The following RBFOX1 variants were observed in gnomAD, a reference collection of about 807,000 sequenced individuals.
RBFOX1 encodes RNA binding fox-1 homolog 1.
A neutral mutation model predicts 57.7 loss-of-function variants in RBFOX1; 8 were observed. The observed-to-expected ratio is 0.14, with a 90% CI of 0.08 to 0.25. The LOEUF is 0.25. RBFOX1 is among the 10% of genes least tolerant of loss of function. RBFOX1 has a pLI of 1.00. For synonymous variants in RBFOX1, 326 were observed against 222.4 expected (o/e 1.47, Z -4.15); for missense variants, 611 against 548.5 (o/e 1.11, Z -1.14).
intron 3 of RBFOX1, among the ~76,000 whole-genome samples, chr16:5,629,805 A>G (rs949626903): frequency 6.6e-6 from 1 of 152,214 alleles, no homozygotes; most frequent in Non-Finnish European, 1.5e-5. Flanking sequence ...CCAAATGGCT[A>G]AGAGGGTAGG....
chr16:6,957,639 T>A (rs1374980702), intron 3 of RBFOX1, among the ~76,000 whole-genome samples: 1 of 152,106 alleles, frequency 6.6e-6, no homozygotes, highest in South Asian at 2.1e-4. Context: ...GACCCGTATC[T>A]TGTGCCGACA....
intron 3 of RBFOX1, among the ~76,000 whole-genome samples, chr16:5,698,096 G>T (rs150598367): frequency 6.6e-6 from 1 of 152,070 alleles, no homozygotes; most frequent in African/African-American, 2.4e-5. Flanking sequence ...ATTTTATCAT[G>T]ATGTATTATT....
At chr16:7,137,678 C>T (rs893658116) in intron 4 of RBFOX1, among the ~76,000 whole-genome samples, 2 of 152,116 alleles carry the variant, frequency 1.3e-5, no homozygotes, top group Non-Finnish European at 2.9e-5. Flanking sequence ...GGGCAAGCTC[C>T]TTGGTTAGAA....
Position 7,680,902 on chromosome 16 carries a change from G to A in RBFOX1, c.995+4064G>A, listed in dbSNP as rs935881171. 8.4e-5 allele frequency among the ~76,000 whole-genome samples: 10 copies of A among 119,294 alleles called. No homozygotes were observed. In the South Asian group the frequency reaches 2.5e-3, roughly 30 times the overall value. The allele number at this position is 119,294 out of a possible 152,430, so 78.3% of individuals were successfully genotyped here. A position where few individuals can be genotyped will look rare whatever the true frequency, so the allele number is the denominator to read the frequency against. ...TATCTTCCTCTCTGCACACACACAC[G>A]TACACACACACACACTCACTTGTGC... On this transcript the variant is annotated intron_variant, in intron 14 of 15. Transcript: ENST00000550418.
intron 4 of RBFOX1, among the ~76,000 whole-genome samples, chr16:7,447,450 A>AG (rs2098817891): frequency 6.7e-6 from 1 of 148,408 alleles, no homozygotes; most frequent in Non-Finnish European, 1.5e-5. Context: ...AAAAAAAAAA[A>AG]GAGAGATTCC....
intron 3 of RBFOX1, among the ~76,000 whole-genome samples, chr16:5,662,692 G>A (rs529810620): frequency 6.6e-6 from 1 of 152,264 alleles, no homozygotes; most frequent in Non-Finnish European, 1.5e-5. Context: ...GGAATTTTTT[G>A]AATGTTTCTA....
chr16:7,032,612 G>C (rs1198981297), intron 3 of RBFOX1, among the ~76,000 whole-genome samples: 1 of 151,552 alleles, frequency 6.6e-6, no homozygotes, highest in Non-Finnish European at 1.5e-5. Flanking sequence ...TGTTTGTTTT[G>C]CTAGACGAGT....
chr16:7,539,833 G>A (rs2082440307), intron 5 of RBFOX1, among the ~76,000 whole-genome samples: 1 of 152,174 alleles, frequency 6.6e-6, no homozygotes, highest in African/African-American at 2.4e-5. Context: ...TAAGAATATA[G>A]CATCCAGATA....
chr16:7,674,832 G>A (rs114253603), intron 13 of RBFOX1, among the ~76,000 whole-genome samples: 3 of 152,150 alleles, frequency 2.0e-5, no homozygotes, highest in East Asian at 1.9e-4. Context: ...TATCGGACTC[G>A]CTGCCTTCTT....
At chr16:5,844,541 G>A (rs2056703794) in intron 3 of RBFOX1, among the ~76,000 whole-genome samples, 1 of 152,102 alleles carries the variant, frequency 6.6e-6, no homozygotes, top group Admixed American at 6.5e-5. Context: ...TAAGTCTAGT[G>A]GCAAAGATTC....
intron 4 of RBFOX1, among the ~76,000 whole-genome samples, chr16:7,100,720 G>A (rs1453453898): frequency 6.6e-6 from 1 of 151,990 alleles, no homozygotes; most frequent in African/African-American, 2.4e-5. Flanking sequence ...GGACAAGGGA[G>A]AGTGAACAGA....
intron 3 of RBFOX1, among the ~76,000 whole-genome samples, chr16:5,666,821 G>A (rs1233200265): frequency 1.3e-5 from 2 of 152,146 alleles, no homozygotes; most frequent in Non-Finnish European, 2.9e-5. Flanking sequence ...ACTTTTGTGG[G>A]GTAACTCCGG....
intron 3 of RBFOX1, among the ~76,000 whole-genome samples, chr16:5,825,036 A>G (rs75559453): frequency 0.051 from 7,802 of 152,278 alleles, 472 homozygotes; most frequent in African/African-American, 0.15. Flanking sequence ...AAGCTTTCCA[A>G]TCCATGGCCT....
intron 2 of RBFOX1, chr16:6,483,302 G>A (rs1314040045): frequency 7.2e-7 from 1 of 1,396,288 alleles, no homozygotes; most frequent in Non-Finnish European, 9.3e-7. Context: ...GCTCGCTCTC[G>A]CGCCCGCGCG....
chr16:5,705,488 C>T (rs147328001), intron 3 of RBFOX1, among the ~76,000 whole-genome samples: 1 of 152,178 alleles, frequency 6.6e-6, no homozygotes, highest in Non-Finnish European at 1.5e-5. Flanking sequence ...GTTTCAAACT[C>T]ATGGGCTCAA....
At chr16:5,443,249 G>A (rs903481214) in intron 1 of RBFOX1, among the ~76,000 whole-genome samples, 1 of 152,176 alleles carries the variant, frequency 6.6e-6, no homozygotes, top group African/African-American at 2.4e-5. Context: ...CTAATGCTTA[G>A]GGAGGCATAT....
intron 4 of RBFOX1, among the ~76,000 whole-genome samples, chr16:5,941,827 C>G (rs2059284261): frequency 6.6e-6 from 1 of 152,068 alleles, no homozygotes; most frequent in Middle Eastern, 3.4e-3. Context: ...GCGAAATAGA[C>G]AAGAGAGCCA....
intron 3 of RBFOX1, among the ~76,000 whole-genome samples, chr16:5,742,238 C>A (rs908723061): frequency 8.7e-6 from 1 of 115,236 alleles, no homozygotes; most frequent in African/African-American, 3.0e-5. Flanking sequence ...CTTCCTTCCT[C>A]CCTTCCTTCC....
At chr16:5,658,196 G>A (rs2049518066) in intron 3 of RBFOX1, among the ~76,000 whole-genome samples, 1 of 152,160 alleles carries the variant, frequency 6.6e-6, no homozygotes, top group African/African-American at 2.4e-5. Context: ...GCAGACCTGG[G>A]CATGATTTCT....
Sources: allele counts gnomAD v4.1 joint callset (sites outside exome capture counted in the v4.1 genomes callset), GRCh38; gene constraint gnomAD v4.1.1; transcripts MANE v1.5; gene names NCBI Gene and HGNC (gene_info 2026-07-23, HGNC 2026-07-21).